The following CHST8 variants were observed in gnomAD, a reference collection of about 807,000 sequenced individuals.
CHST8 encodes GALNAC-4-ST1.
A neutral mutation model predicts 15.0 loss-of-function variants in CHST8; 10 were observed. The ratio of observed to expected loss-of-function variants is 0.67; its 90% CI spans 0.41 to 1.13. CHST8 has a LOEUF of 1.13. Ranked by LOEUF, CHST8 falls within the 50% of genes most tolerant of loss-of-function variation. The pLI, the probability that CHST8 is intolerant of heterozygous loss-of-function variation, is 0.00. For missense variants in CHST8, 634 were observed against 608.2 expected, an observed-to-expected ratio of 1.04 and a Z score of -0.45; for synonymous variants, 259 against 256.6, an observed-to-expected ratio of 1.01 and a Z score of -0.09.
intron 2 of CHST8, among the ~76,000 whole-genome samples, chr19:33,682,765 A>AT (rs1392894406): frequency 2.6e-5 from 4 of 152,182 alleles, no homozygotes; most frequent in Non-Finnish European, 4.4e-5. Context: ...GCAAGCTGTA[A>AT]TTTTTTGGGG....
chr19:33,747,582 C>T (rs937745456), intron 3 of CHST8, among the ~76,000 whole-genome samples: 1 of 151,958 alleles, frequency 6.6e-6, no homozygotes, highest in African/African-American at 2.4e-5. Context: ...CACATACACA[C>T]TACTAAGAAG....
intron 1 of CHST8, among the ~76,000 whole-genome samples, chr19:33,627,863 T>A (rs960698466): frequency 6.6e-6 from 1 of 152,214 alleles, no homozygotes; most frequent in African/African-American, 2.4e-5. Context: ...GGGTGGTCCC[T>A]GCCCTTGTGA....
At chr19:33,748,172 T>C (rs1974348864) in intron 3 of CHST8, among the ~76,000 whole-genome samples, 1 of 152,204 alleles carries the variant, frequency 6.6e-6, no homozygotes, top group African/African-American at 2.4e-5. Flanking sequence ...CCTTAATCAA[T>C]AGTCATGTAG....
intron 3 of CHST8, among the ~76,000 whole-genome samples, chr19:33,713,493 T>C (rs1370188976): frequency 6.6e-6 from 1 of 152,086 alleles, no homozygotes; most frequent in Non-Finnish European, 1.5e-5. Flanking sequence ...CCTGGGAGCA[T>C]ATAGCTCTCA....
At chr19:33,733,255 A>C (rs1176231412) in intron 3 of CHST8, among the ~76,000 whole-genome samples, 2 of 132,928 alleles carry the variant, frequency 1.5e-5, no homozygotes, top group Admixed American at 7.8e-5. Flanking sequence ...TTTTTTTGAG[A>C]TGGAGTCTTG....
intron 1 of CHST8, among the ~76,000 whole-genome samples, chr19:33,645,951 A>G (rs867787021): frequency 1.3e-5 from 2 of 151,822 alleles, no homozygotes; most frequent in Non-Finnish European, 2.9e-5. Context: ...ACATGGCGAT[A>G]CCCCATCTCT....
intron 3 of CHST8, among the ~76,000 whole-genome samples, chr19:33,731,668 C>T (rs1215460659): frequency 6.6e-6 from 1 of 152,092 alleles, no homozygotes; most frequent in East Asian, 1.9e-4. Context: ...CTTATTTTAC[C>T]CAGTATCTAT....
At chr19:33,704,490 G>T (rs1296667929) in intron 3 of CHST8, among the ~76,000 whole-genome samples, 1 of 152,206 alleles carries the variant, frequency 6.6e-6, no homozygotes. Flanking sequence ...GGGTGAGGGG[G>T]AAGTGGACAG....
intron 3 of CHST8, among the ~76,000 whole-genome samples, chr19:33,720,835 T>C (rs775424138): frequency 6.6e-6 from 1 of 152,244 alleles, no homozygotes; most frequent in Non-Finnish European, 1.5e-5. Flanking sequence ...GCCTGGGAGC[T>C]GGGGCCAGTT....
chr19:33,760,916 T>C (rs1974712145), intron 3 of CHST8, among the ~76,000 whole-genome samples: 1 of 152,178 alleles, frequency 6.6e-6, no homozygotes, highest in African/African-American at 2.4e-5. Context: ...ACTATCCCAT[T>C]CCTGGTTAAG....
rs199800223 is a variant in CHST8 at position 33,653,999 on chromosome 19, T to C, written c.-163-13768T>C. 4.6e-5 allele frequency among the ~76,000 whole-genome samples: 7 copies of C among 152,302 alleles called. No homozygotes were observed. The East Asian group carries it at 1.2e-3, about 25-fold the overall frequency. Reference sequence around the variant, plus strand: ...GAGTCTATGATTATCAGTTTTATTTTGGACCCTCTCATTCTATTCTCTTCC... The same window carrying C: ...GAGTCTATGATTATCAGTTTTATTTCGGACCCTCTCATTCTATTCTCTTCC... On this transcript the variant is annotated intron_variant, in intron 1 of 4. Transcript: ENST00000650847.
intron 3 of CHST8, among the ~76,000 whole-genome samples, chr19:33,757,412 AAGAAAGAAAGAAAGAAAG>A (rs1974574150): frequency 1.5e-4 from 1 of 6,868 alleles, no homozygotes; most frequent in African/African-American, 4.3e-4. Context: ...GAAAGAAAGA[AAGAAAGAAAGAAAGAAAG>A]AAAGAAAGAA....
In CHST8 at chr19:33,772,103, G is replaced by T. The variant is rs1599648279; in HGVS notation, c.315G>T (p.Leu105=). Residue 105 remains leucine (L), a synonymous_variant, in exon 5 of 5, where the codon CTG becomes CTT. Transcript: ENST00000650847. Reference sequence around the variant, plus strand: ...CCCCGCTGCAGAGGGGAACCCGTCTGCGGCTCCGCCAGCGCCGTCGCCGTC... The same window carrying T: ...CCCCGCTGCAGAGGGGAACCCGTCTTCGGCTCCGCCAGCGCCGTCGCCGTC... ...PQPPLQRGTR[L]RLRQRRRRLL... 2 of 1,611,614 alleles carry T rather than the reference G, an allele frequency of 1.2e-6. No individual in the cohort carries two copies. Among genetic ancestry groups the T allele is most frequent in the African/African-American group, 2.7e-5 (2 of 74,906 alleles).
chr19:33,734,506 C>T (rs1473486013), intron 3 of CHST8, among the ~76,000 whole-genome samples: 1 of 152,142 alleles, frequency 6.6e-6, no homozygotes, highest in Non-Finnish European at 1.5e-5. Context: ...CAATGGGGAC[C>T]CACACTGTGT....
intron 3 of CHST8, among the ~76,000 whole-genome samples, chr19:33,758,587 C>T (rs893093494): frequency 1.3e-5 from 2 of 152,198 alleles, no homozygotes; most frequent in African/African-American, 4.8e-5. Flanking sequence ...GACGTGGCAG[C>T]CAGAACAATG....
chr19:33,642,033 GGAT>G (rs1972290833), intron 1 of CHST8, among the ~76,000 whole-genome samples: 1 of 152,240 alleles, frequency 6.6e-6, no homozygotes, highest in Non-Finnish European at 1.5e-5. Context: ...TCCGCCTGGA[GGAT>G]GAGGGCCTGG....
intron 3 of CHST8, among the ~76,000 whole-genome samples, chr19:33,761,619 G>A (rs1470740938): frequency 6.6e-6 from 1 of 151,618 alleles, no homozygotes; most frequent in Non-Finnish European, 1.5e-5. Flanking sequence ...GCATGAGCCA[G>A]CACACCTGGC....
chr19:33,769,699 A>T (rs1308620211), intron 3 of CHST8, among the ~76,000 whole-genome samples: 2 of 151,972 alleles, frequency 1.3e-5, no homozygotes, highest in Non-Finnish European at 1.5e-5. Context: ...CAGGCCAGGC[A>T]CCTGCTACTT....
At chr19:33,765,554 TCAGAGAGA>T (rs1568362719) in intron 3 of CHST8, among the ~76,000 whole-genome samples, 28 of 102,806 alleles carry the variant, frequency 2.7e-4, no homozygotes, top group Admixed American at 2.2e-3. Context: ...TGTGTGTGTG[TCAGAGAGA>T]GAGAGAGAGA....
Sources: gnomAD v4.1 joint callset for allele counts (sites outside exome capture counted in the v4.1 genomes callset) on GRCh38, gnomAD v4.1.1 for gene constraint, MANE v1.5 for transcripts, NCBI Gene and HGNC (gene_info 2026-07-23, HGNC 2026-07-21) for gene names.